NDUFAF7: variants seen among roughly 807,000 people sequenced by gnomAD.
NDUFAF7 encodes NADH:ubiquinone oxidoreductase complex assembly factor 7.
A neutral mutation model predicts 47.2 loss-of-function variants in NDUFAF7; 48 were observed. The ratio of observed to expected loss-of-function variants is 1.02; its 90% confidence interval spans 0.81 to 1.29. The LOEUF (loss-of-function observed/expected upper bound fraction) is 1.29, where lower values mean the gene tolerates loss of function less well. Among genes scored for constraint, NDUFAF7 ranks in the 50% most tolerant of loss-of-function variants. The pLI is 0.00. For synonymous variants in NDUFAF7, 217 were observed against 190.0 expected (o/e 1.14, Z -1.17); for missense variants, 635 against 537.6 (o/e 1.18, Z -1.79).
chr2:37,247,372 A>G lies in NDUFAF7; in HGVS notation c.937-84A>G, dbSNP rs928028603. 23 of 1,464,480 alleles carry G rather than the reference A, an allele frequency of 1.6e-5. No individual in the cohort carries two copies. The African/African-American group carries it at 3.1e-4, about 20-fold the overall frequency. 90.7% of individuals were successfully genotyped at this position (1,464,480 alleles called of 1,614,324 possible). On this transcript the variant is annotated intron_variant, in intron 8 of 9. Transcript: ENST00000002125. Reference sequence around the variant, plus strand: ...TTCCGTCACCTCAAGCATTAATGTAAATATTAAATAACTTTAATATGATAG... The same window carrying G: ...TTCCGTCACCTCAAGCATTAATGTAGATATTAAATAACTTTAATATGATAG...
chr2:37,243,814 A>G, intron 6 of NDUFAF7, 49 bp from the exon 7 acceptor site: 5 of 1,394,880 alleles, frequency 3.6e-6, no homozygotes, highest in Non-Finnish European at 5.1e-6. Flanking sequence ...GAAGCAATGT[A>G]GAGAACAAAC....
At chr2:37,268,873 CTG>C in the NDUFAF7 span, 3 of 153,726 alleles carry the variant, frequency 2.0e-5, no homozygotes, top group African/African-American at 7.2e-5. Flanking sequence ...CTGTAGATGA[CTG>C]TGAACCACTT....
At chr2:37,267,361 AAGAG>A in the NDUFAF7 span, 1 of 1,104,868 alleles carries the variant, frequency 9.1e-7, no homozygotes, top group Non-Finnish European at 1.3e-6. Context: ...AAAAAAAAAA[AAGAG>A]AAGCAGTTAA....
the NDUFAF7 span, among the ~76,000 whole-genome samples, chr2:37,259,028 T>C: frequency 8.1e-5 from 12 of 147,954 alleles, no homozygotes; most frequent in Admixed American, 2.1e-4. Flanking sequence ...TGCAATAAAT[T>C]TAGTGGATCA....
At chr2:37,256,136 T>C (rs1667916296), downstream of NDUFAF7, among the ~76,000 whole-genome samples, 1 of 152,148 alleles carries the variant, frequency 6.6e-6, no homozygotes, top group African/African-American at 2.4e-5. Flanking sequence ...CGAATTTTAA[T>C]AGGAAGGATT....
chr2:37,257,622 C>T (rs1483924849), downstream of NDUFAF7, among the ~76,000 whole-genome samples: 12 of 135,942 alleles, frequency 8.8e-5, no homozygotes, highest in African/African-American at 2.7e-4. Flanking sequence ...GTCGAGATTA[C>T]GCCGCTGCAA....
downstream of NDUFAF7, among the ~76,000 whole-genome samples, chr2:37,257,271 T>C (rs1374976036): frequency 1.3e-5 from 2 of 152,196 alleles, no homozygotes; most frequent in Non-Finnish European, 2.9e-5. Context: ...AAGATCACTC[T>C]TCCATCATCT....
Position 37,241,590 on chromosome 2 carries a change from C to A in NDUFAF7, c.421C>A (p.Leu141Ile). 1 of 1,613,264 alleles carries A rather than the reference C, an allele frequency of 6.2e-7. No homozygotes were observed. Among genetic ancestry groups the A allele is most frequent in the Non-Finnish European group, 8.5e-7 (1 of 1,179,634 alleles). The stretch of plus-strand genomic sequence containing the variant: ...TTTTGGTATTTAGGTGTTCACTCAA[C>A]TTGGATCTGTGCTGAAAAATTGTGA... Reference protein sequence around the residue: ...VGDILRVFTQLGSVLKNCDIS... With the variant: ...VGDILRVFTQIGSVLKNCDIS... The change falls in exon 5 of 10, where the codon CTT becomes ATT. Residue 141 changes from leucine (L) to isoleucine (I), a missense_variant. By Grantham distance (5) the Leu-to-Ile change is conservative. Coordinates refer to ENST00000002125, the MANE Select transcript of NDUFAF7 (RefSeq NM_144736.5).
chr2:37,263,276 T>G, the NDUFAF7 span, among the ~76,000 whole-genome samples: 1 of 152,194 alleles, frequency 6.6e-6, no homozygotes, highest in Non-Finnish European at 1.5e-5. Context: ...ATTCAAAAAT[T>G]AGTATTTTAA....
At chr2:37,233,445 T>C (rs1392195002) in intron 2 of NDUFAF7, among the ~76,000 whole-genome samples, 1 of 152,040 alleles carries the variant, frequency 6.6e-6, no homozygotes, top group Non-Finnish European at 1.5e-5. Flanking sequence ...CTGACCAACT[T>C]GGTGAAACCC....
At chr2:37,268,414 C>A in the NDUFAF7 span, 1 of 462,160 alleles carries the variant, frequency 2.2e-6, no homozygotes, top group Non-Finnish European at 4.5e-6. Flanking sequence ...CATGCAGAGT[C>A]AACACATTTT....
chr2:37,249,594 CACACACACAG>C (rs1201594431), downstream of NDUFAF7, among the ~76,000 whole-genome samples: 3 of 101,720 alleles, frequency 2.9e-5, no homozygotes, highest in Non-Finnish European at 6.2e-5. Context: ...CACACACACA[CACACACACAG>C]AGGGGAGATC....
chr2:37,259,945 A>G, the NDUFAF7 span, among the ~76,000 whole-genome samples: 1 of 152,180 alleles, frequency 6.6e-6, no homozygotes, highest in Non-Finnish European at 1.5e-5. Flanking sequence ...CAGGTGGATC[A>G]CTTGAGGCAA....
the NDUFAF7 span, among the ~76,000 whole-genome samples, chr2:37,262,900 C>CT: frequency 2.3e-4 from 34 of 147,608 alleles, no homozygotes; most frequent in East Asian, 5.4e-3. Context: ...TTCCTTCCCC[C>CT]CCCCGTATTT....
downstream of NDUFAF7, among the ~76,000 whole-genome samples, chr2:37,249,808 G>T (rs1667333801): frequency 6.6e-6 from 1 of 152,114 alleles, no homozygotes; most frequent in Non-Finnish European, 1.5e-5. Context: ...TAGCAACACA[G>T]ATTTACAAGG....
At chr2:37,237,622 A>G (rs1018685872) in intron 3 of NDUFAF7, 135 bp from the exon 4 acceptor site, 5 of 679,948 alleles carry the variant, frequency 7.4e-6, no homozygotes, top group Admixed American at 2.3e-5. Flanking sequence ...GTACGTATGT[A>G]TTGAACAACA....
chr2:37,257,800 A>T (rs1403972663), downstream of NDUFAF7, among the ~76,000 whole-genome samples: 1 of 152,108 alleles, frequency 6.6e-6, no homozygotes, highest in African/African-American at 2.4e-5. Context: ...ATTAAAGGTA[A>T]TTTTAAATGG....
At chr2:37,237,459 A>G (rs72875778) in intron 3 of NDUFAF7, among the ~76,000 whole-genome samples, 2,562 of 152,322 alleles carry the variant, frequency 0.017, 44 homozygotes, top group African/African-American at 0.044. Context: ...TCATATGTTT[A>G]TTTGCTTTCA....
chr2:37,271,317 A>T, the NDUFAF7 span, among the ~76,000 whole-genome samples: 1 of 152,240 alleles, frequency 6.6e-6, no homozygotes. Context: ...CGATCTAAAA[A>T]TGGTCTTTAA....
Sources: gnomAD v4.1 joint callset for allele counts (sites outside exome capture counted in the v4.1 genomes callset) on GRCh38, gnomAD v4.1.1 for gene constraint, MANE v1.5 for transcripts, NCBI Gene and HGNC (gene_info 2026-07-23, HGNC 2026-07-21) for gene names.